SCAPER: variants seen among roughly 807,000 people sequenced by gnomAD.
SCAPER encodes S phase cyclin A-associated protein in the endoplasmic reticulum.
SCAPER carries 98 observed loss-of-function variants against 182.2 expected under a neutral mutation model. The ratio of observed to expected loss-of-function variants is 0.54; its 90% CI spans 0.46 to 0.64. The LOEUF (loss-of-function observed/expected upper bound fraction) is 0.64. SCAPER is among the 30% of genes least tolerant of loss of function. The pLI is 0.00. For synonymous variants in SCAPER, 605 were observed against 564.6 expected, an observed-to-expected ratio of 1.07 and a Z score of -1.01; for missense variants, 1,432 against 1,690.0, an observed-to-expected ratio of 0.85 and a Z score of 2.68.
At chr15:76,527,656 GC>G (rs1202387354) in intron 23 of SCAPER, among the ~76,000 whole-genome samples, 1 of 152,128 alleles carries the variant, frequency 6.6e-6, no homozygotes, top group Non-Finnish European at 1.5e-5. Flanking sequence ...GGGGCATTTA[GC>G]CCCCTTTTAT....
chr15:76,808,028 A>G (rs2066303364), intron 5 of SCAPER, among the ~76,000 whole-genome samples: 2 of 152,142 alleles, frequency 1.3e-5, no homozygotes, highest in Admixed American at 1.3e-4. Context: ...AGCTGACAGC[A>G]GAAGGGACTC....
At chr15:76,858,216 G>C (rs2151865785) in intron 3 of SCAPER, among the ~76,000 whole-genome samples, 1 of 152,166 alleles carries the variant, frequency 6.6e-6, no homozygotes, top group Non-Finnish European at 1.5e-5. Flanking sequence ...TCCTCAACTT[G>C]TATATAAATC....
chr15:76,846,198 TG>T (rs2070064504), intron 4 of SCAPER, among the ~76,000 whole-genome samples: 1 of 152,096 alleles, frequency 6.6e-6, no homozygotes, highest in African/African-American at 2.4e-5. Context: ...CAAATCAAAA[TG>T]GATCAATGAC....
chr15:76,348,816 G>T (rs746870191), intron 31 of SCAPER, 80 bp from the exon 32 acceptor site: 4 of 817,918 alleles, frequency 4.9e-6, no homozygotes, highest in South Asian at 1.9e-5. Context: ...AACTTATTTT[G>T]ATATCTGAGT....
At chr15:76,571,667 C>G (rs1259034094) in intron 23 of SCAPER, among the ~76,000 whole-genome samples, 1 of 152,188 alleles carries the variant, frequency 6.6e-6, no homozygotes, top group Non-Finnish European at 1.5e-5. Flanking sequence ...AGATTCATCT[C>G]TCACCATTCC....
chr15:76,363,277 T>C (rs998278458), intron 29 of SCAPER, among the ~76,000 whole-genome samples: 1 of 152,232 alleles, frequency 6.6e-6, no homozygotes, highest in African/African-American at 2.4e-5. Context: ...ATCTGGGGAA[T>C]GAATGACTGA....
At chr15:76,357,149 A>AACACACACACACACACACAC (rs1206860311) in intron 29 of SCAPER, among the ~76,000 whole-genome samples, 1 of 22,158 alleles carries the variant, frequency 4.5e-5, no homozygotes, top group Non-Finnish European at 1.5e-4. Flanking sequence ...TTTTATTGAC[A>AACACACACACACACACACAC]TCACACACAC....
At chr15:76,495,991 G>GACACACACACACAC (rs1393549578) in intron 24 of SCAPER, among the ~76,000 whole-genome samples, 2 of 100,898 alleles carry the variant, frequency 2.0e-5, no homozygotes, top group African/African-American at 8.4e-5. Context: ...GCAAAAGAGA[G>GACACACACACACAC]AGACACACAC....
At chr15:76,902,205 T>C (rs1049350524) in intron 1 of SCAPER, among the ~76,000 whole-genome samples, 2 of 152,198 alleles carry the variant, frequency 1.3e-5, no homozygotes, top group African/African-American at 4.8e-5. Flanking sequence ...GCAACACGGA[T>C]AGAGCTGGAG....
chr15:76,766,989 A>G lies in SCAPER; in HGVS notation c.1348T>C (p.Leu450=), dbSNP rs1420394427. 5 of 1,608,542 alleles carry G rather than the reference A, an allele frequency of 3.1e-6. No homozygotes were observed. The African/African-American group carries it at 5.3e-5, about 17-fold the overall frequency. ...IASAIAEEEQ[L]TREIEAEENN... ...TCTTCAGCTTCAATTTCTCTAGTTAACTGTTCTTCTTCAGCAATAGCACTA... is the reference window on the plus strand; with the variant it reads ...TCTTCAGCTTCAATTTCTCTAGTTAGCTGTTCTTCTTCAGCAATAGCACTA... Residue 450 remains leucine (L), a synonymous_variant, in exon 11 of 32, where the codon TTA becomes CTA. Coordinates refer to ENST00000563290, the MANE Select transcript of SCAPER (RefSeq NM_020843.4).
intron 23 of SCAPER, among the ~76,000 whole-genome samples, chr15:76,509,337 A>G (rs958832401): frequency 2.0e-5 from 3 of 152,140 alleles, no homozygotes; most frequent in Non-Finnish European, 4.4e-5. Flanking sequence ...TGCCTCTTCT[A>G]TCCATGACTA....
intron 24 of SCAPER, among the ~76,000 whole-genome samples, chr15:76,497,124 T>TTTTTTTTC (rs1555456895): frequency 7.2e-6 from 1 of 139,426 alleles, no homozygotes; most frequent in Non-Finnish European, 1.5e-5. Context: ...TTTTTTTTTT[T>TTTTTTTTC]CCCAAAACGG....
At chr15:76,587,769 T>C (rs1320583682) in intron 22 of SCAPER, among the ~76,000 whole-genome samples, 1 of 152,158 alleles carries the variant, frequency 6.6e-6, no homozygotes, top group African/African-American at 2.4e-5. Flanking sequence ...GGCTGTTGGG[T>C]AGAAATATCT....
At chr15:76,613,465 T>G (rs1813519274) in intron 22 of SCAPER, among the ~76,000 whole-genome samples, 1 of 152,104 alleles carries the variant, frequency 6.6e-6, no homozygotes. Flanking sequence ...CAAAAGAAAC[T>G]ATCAACAGGG....
chr15:76,882,922 C>T (rs1405486409), intron 2 of SCAPER, among the ~76,000 whole-genome samples: 1 of 152,158 alleles, frequency 6.6e-6, no homozygotes, highest in Non-Finnish European at 1.5e-5. Flanking sequence ...TCTAGGCCTC[C>T]CAAAGTGCTG....
Position 76,404,641 on chromosome 15 carries a change from G to T in SCAPER, c.3350C>A (p.Ala1117Asp). 6.2e-7 allele frequency: 1 copy of T among 1,612,946 alleles called. No homozygotes were observed. Among genetic ancestry groups the T allele is most frequent in the South Asian group, 1.1e-5 (1 of 91,034 alleles). Residue 1117 changes from alanine (A) to aspartate (D), a missense_variant, in exon 27 of 32, where the codon GCC (alanine) becomes GAC (aspartate). By Grantham distance (126) the Ala-to-Asp change is moderately radical. Around this residue, in one of 5 missense-constraint regions of SCAPER, gnomAD observed 718 missense variants for 799.7 expected, o/e 0.90. Transcript: ENST00000563290. ...TGGGCCTTGCACCGAGAGGAAGCAGGCACACAGTTTGTCAATCAGACCCAT... is the reference window on the plus strand; with the variant it reads ...TGGGCCTTGCACCGAGAGGAAGCAGTCACACAGTTTGTCAATCAGACCCAT... Reference protein sequence around the residue: ...VNMGLIDKLCACFLSVQGPVD... With the variant: ...VNMGLIDKLCDCFLSVQGPVD...
At chr15:76,382,085 G>GTA (rs2042980624) in intron 27 of SCAPER, among the ~76,000 whole-genome samples, 1 of 152,148 alleles carries the variant, frequency 6.6e-6, no homozygotes, top group Non-Finnish European at 1.5e-5. Flanking sequence ...GTATACTGTG[G>GTA]TAGGGAGATT....
intron 29 of SCAPER, among the ~76,000 whole-genome samples, chr15:76,371,611 C>A (rs570794544): frequency 2.2e-3 from 334 of 151,410 alleles, no homozygotes; most frequent in Non-Finnish European, 3.5e-3. Context: ...AGCCACCATG[C>A]CTGGCTTATA....
chr15:76,656,735 TAAG>T (rs1235653290), intron 21 of SCAPER, among the ~76,000 whole-genome samples: 1 of 152,142 alleles, frequency 6.6e-6, no homozygotes, highest in Non-Finnish European at 1.5e-5. Context: ...GTATCAATTC[TAAG>T]AAGAGTGCTT....
Sources: allele counts gnomAD v4.1 joint callset (sites outside exome capture counted in the v4.1 genomes callset), GRCh38; gene constraint gnomAD v4.1.1; regional missense constraint gnomAD v4.1.1; transcripts MANE v1.5; gene names NCBI Gene and HGNC (gene_info 2026-07-23, HGNC 2026-07-21).